The following COX6C variants were observed in gnomAD, a reference collection of about 807,000 sequenced individuals.
COX6C encodes cytochrome c oxidase subunit 6C.
Under a neutral mutation model 6.9 loss-of-function variants are expected in COX6C, and 3 were observed. The ratio of observed to expected loss-of-function variants is 0.43; its 90% CI spans 0.20 to 1.12. The LOEUF is 1.12. Among genes scored for constraint, COX6C ranks in the 50% most tolerant of loss-of-function variants. The pLI, the probability that COX6C is intolerant of heterozygous loss-of-function variation, is 0.27. For synonymous variants in COX6C, 32 were observed against 32.0 expected (o/e 1.00, Z 0.00); for missense variants, 101 against 97.3 (o/e 1.04, Z -0.16).
intron 1 of COX6C, among the ~76,000 whole-genome samples, chr8:99,892,792 G>C (rs1818075168): frequency 6.6e-6 from 1 of 151,842 alleles, no homozygotes; most frequent in Admixed American, 6.6e-5. Context: ...AGAAAAATAA[G>C]CAGTAGCTCC....
intron 2 of COX6C, among the ~76,000 whole-genome samples, chr8:99,888,444 A>G (rs1376623209): frequency 2.2e-4 from 34 of 151,312 alleles, no homozygotes; most frequent in Admixed American, 2.0e-3. Flanking sequence ...GGTGGTGGGC[A>G]CCTGTAATCC....
intron 3 of COX6C, among the ~76,000 whole-genome samples, chr8:99,882,987 C>G (rs932124265): frequency 4.6e-5 from 7 of 152,022 alleles, no homozygotes; most frequent in African/African-American, 7.3e-5. Context: ...GGGGTTTCGC[C>G]ATGTTGCCCA....
intron 3 of COX6C, chr8:99,885,933 A>G (rs903387972): frequency 1.3e-5 from 2 of 152,220 alleles, no homozygotes; most frequent in African/African-American, 4.8e-5. Flanking sequence ...CAAAAAACCA[A>G]ATTTGAAAAT....
chr8:99,886,897 G>A (rs1290560646), intron 3 of COX6C, among the ~76,000 whole-genome samples: 1 of 152,186 alleles, frequency 6.6e-6, no homozygotes, highest in Non-Finnish European at 1.5e-5. Context: ...GTAAGATGAC[G>A]AGTTCTGGAG....
intron 2 of COX6C, among the ~76,000 whole-genome samples, chr8:99,888,598 A>G (rs1282991867): frequency 6.6e-6 from 1 of 152,218 alleles, no homozygotes; most frequent in Non-Finnish European, 1.5e-5. Context: ...AAAAAGAGGC[A>G]GAAGCACAAG....
At chr8:99,886,199 A>G (rs1256671633) in intron 3 of COX6C, 1 of 152,210 alleles carries the variant, frequency 6.6e-6, no homozygotes, top group Non-Finnish European at 1.5e-5. Flanking sequence ...AGCACAGCCC[A>G]GGTAATATGG....
At chr8:99,878,557 T>A (rs1817789612) in intron 3 of COX6C, 1 of 152,144 alleles carries the variant, frequency 6.6e-6, no homozygotes, top group East Asian at 1.9e-4. Flanking sequence ...CCTTCTCAAT[T>A]CTATGCCCAC....
At chr8:99,889,166 G>A (rs1190117448) in intron 2 of COX6C, among the ~76,000 whole-genome samples, 2 of 152,062 alleles carry the variant, frequency 1.3e-5, no homozygotes, top group Non-Finnish European at 1.5e-5. Context: ...CACTATATAT[G>A]CCAGGCAGCA....
At position 99,892,622 on chromosome 8, in the gene COX6C, T is replaced by A. The variant is rs1388453047; in HGVS notation, c.-31-570A>T. ...TACCTAGAGAGGCACAGCACGACAG[T>A]GGATGGATTCCTCCCACAAAGCCTA... On this transcript the variant is annotated intron_variant, in intron 1 of 3. Coordinates refer to ENST00000520468, the MANE Select transcript of COX6C (RefSeq NM_004374.4). Among the ~76,000 whole-genome samples, 5 of 152,164 alleles carry A rather than the reference T, an allele frequency of 3.3e-5. No homozygotes were observed. In the East Asian group the frequency reaches 7.7e-4, roughly 23 times the overall value.
At chr8:99,892,674 A>G (rs1407467281) in intron 1 of COX6C, among the ~76,000 whole-genome samples, 2 of 151,682 alleles carry the variant, frequency 1.3e-5, no homozygotes, top group African/African-American at 4.9e-5. Flanking sequence ...AGCCTGTTTC[A>G]TCTTCCCCCC....
intron 3 of COX6C, among the ~76,000 whole-genome samples, chr8:99,883,811 T>C (rs1242547569): frequency 2.6e-5 from 4 of 152,176 alleles, no homozygotes; most frequent in Non-Finnish European, 4.4e-5. Flanking sequence ...AAAAGAATCA[T>C]GTACTATGAT....
At chr8:99,881,041 G>A (rs940066371) in intron 3 of COX6C, among the ~76,000 whole-genome samples, 12 of 152,086 alleles carry the variant, frequency 7.9e-5, no homozygotes, top group African/African-American at 2.9e-4. Context: ...AAGTTCTCTG[G>A]CAAAGAACAT....
At chr8:99,879,841 G>T (rs1563526025) in intron 3 of COX6C, among the ~76,000 whole-genome samples, 1 of 152,202 alleles carries the variant, frequency 6.6e-6, no homozygotes, top group African/African-American at 2.4e-5. Flanking sequence ...CAATGGCATA[G>T]TTTGGATAGG....
chr8:99,890,360 T>G (rs79027102), intron 2 of COX6C, among the ~76,000 whole-genome samples: 2,497 of 152,264 alleles, frequency 0.016, 69 homozygotes, highest in African/African-American at 0.057. Flanking sequence ...AACCATTCTT[T>G]CAGTTATGTT....
At position 99,892,001 on chromosome 8, in the gene COX6C, T is replaced by G; in HGVS notation, c.21A>C (p.Pro7=). The stretch of plus-strand genomic sequence containing the variant: ...CCAGAAGGCCACGCATCCGAGGTTT[T>G]GGCAAAACTTCGGGAGCCATGGTAG... MAPEVL[P]KPRMRGLLAR... Residue 7 remains proline, a synonymous_variant, in exon 2 of 4, where the codon CCA becomes CCC. Coordinates refer to ENST00000520468, the MANE Select transcript of COX6C (RefSeq NM_004374.4). 1.2e-6 allele frequency: 2 copies of G among 1,612,714 alleles called. No individual in the cohort carries two copies. Among genetic ancestry groups the G allele is most frequent in the Non-Finnish European group, 1.7e-6 (2 of 1,179,692 alleles).
intron 2 of COX6C, among the ~76,000 whole-genome samples, chr8:99,890,190 T>C (rs1324615023): frequency 6.6e-6 from 1 of 152,046 alleles, no homozygotes. Flanking sequence ...CTTGAACTCG[T>C]GAGCTCAAGC....
intron 3 of COX6C, chr8:99,878,730 CT>C (rs1224939523): frequency 2.0e-5 from 3 of 152,086 alleles, no homozygotes; most frequent in Non-Finnish European, 4.4e-5. Flanking sequence ...CTATTAACAT[CT>C]TCTGATTATA....
chr8:99,881,882 G>C (rs2131002620), intron 3 of COX6C, among the ~76,000 whole-genome samples: 1 of 152,268 alleles, frequency 6.6e-6, no homozygotes, highest in East Asian at 1.9e-4. Flanking sequence ...CACACAAGTT[G>C]AAAGTGAACG....
intron 1 of COX6C, 186 bp downstream of exon 1, chr8:99,893,453 G>C (rs1335922503): frequency 1.3e-5 from 2 of 152,342 alleles, no homozygotes; most frequent in East Asian, 3.9e-4. Flanking sequence ...CCCGGTCCGT[G>C]GTCCGCCCGC....
Sources: gnomAD v4.1 joint callset for allele counts (sites outside exome capture counted in the v4.1 genomes callset) on GRCh38, gnomAD v4.1.1 for gene constraint, MANE v1.5 for transcripts, NCBI Gene and HGNC (gene_info 2026-07-23, HGNC 2026-07-21) for gene names.